ANKZF1: variants seen among roughly 807,000 people sequenced by gnomAD.
ANKZF1 encodes the protein ankyrin repeat and zinc finger peptidyl tRNA hydrolase 1.
In ANKZF1, 84 loss-of-function variants were observed where a neutral mutation model predicts 86.0. The observed-to-expected ratio is 0.98, with a 90% CI of 0.82 to 1.17. The LOEUF (loss-of-function observed/expected upper bound fraction) is 1.17, where lower values mean the gene tolerates loss of function less well. Ranked by LOEUF, ANKZF1 falls within the 50% of genes most tolerant of loss-of-function variation. The pLI is 0.00. For synonymous variants in ANKZF1, 331 were observed against 354.2 expected (o/e 0.93, Z 0.74); for missense variants, 893 against 918.4 (o/e 0.97, Z 0.36).
At position 219,236,110 on chromosome 2, in the gene ANKZF1, A is replaced by T; in HGVS notation, c.2057+15A>T. 6.2e-7 allele frequency: 1 copy of T among 1,614,068 alleles called. No individual in the cohort carries two copies. The highest frequency in any genetic ancestry group is 1.7e-5 in the Admixed American group (1 of 60,022). On this transcript the variant is annotated intron_variant, in intron 13 of 13. Transcript: ENST00000323348. ...GTCAATACTCGGTATGGGGTGCGGG[A>T]TGAGGGAGTGGGTGGACTGTAATGT...
At chr2:219,231,843 C>T (rs1180961455) in intron 2 of ANKZF1, 85 bp from the exon 3 acceptor site, 7 of 1,129,748 alleles carry the variant, frequency 6.2e-6, no homozygotes, top group South Asian at 3.8e-5. Flanking sequence ...TCCTCCTCTG[C>T]TTTGTATATC....
intron 2 of ANKZF1, chr2:219,230,623 T>G: frequency 2.2e-6 from 1 of 460,624 alleles, no homozygotes; most frequent in Non-Finnish European, 3.7e-6. Context: ...GTTAACACCA[T>G]TCCCTTCAAA....
At chr2:219,234,599 T>A (rs558546770) in intron 9 of ANKZF1, 2 of 672,782 alleles carry the variant, frequency 3.0e-6, no homozygotes, top group East Asian at 5.5e-5. Flanking sequence ...CTTTCCTCTA[T>A]TGTGCGGCAC....
rs755239892 is a variant in ANKZF1 at position 219,234,387 on chromosome 2, A to G, written c.1204+99A>G. ...ATAACTGACCCATTTCCTTATTTAAACACACACCCACAGTGTCTATCTTAG... is the reference window on the plus strand; with the variant it reads ...ATAACTGACCCATTTCCTTATTTAAGCACACACCCACAGTGTCTATCTTAG... On this transcript the variant is annotated intron_variant, in intron 9 of 13. Transcript: ENST00000323348. The G allele has an allele frequency of 3.5e-6, 5 of 1,420,298 alleles. No homozygotes were observed. In the African/African-American group the frequency reaches 5.6e-5, roughly 16 times the overall value. 88.0% of individuals were successfully genotyped at this position (1,420,298 alleles called of 1,614,324 possible). A position where few individuals can be genotyped will look rare whatever the true frequency, so the allele number is the denominator to read the frequency against.
chr2:219,233,582 C>G (rs1005187458), intron 7 of ANKZF1, 133 bp from the exon 8 acceptor site: 34 of 1,394,766 alleles, frequency 2.4e-5, no homozygotes, highest in Non-Finnish European at 3.0e-5. Flanking sequence ...TCCCCAGGAG[C>G]CTTAGTCCTC....
rs200249107 is a variant in ANKZF1, at chr2:219,235,036, C to G, written c.1415C>G (p.Ser472Cys). 1.9e-6 allele frequency: 3 copies of G among 1,614,154 alleles called. No homozygotes were observed. The highest frequency in any genetic ancestry group is 2.5e-6 in the Non-Finnish European group (3 of 1,180,064). The change falls in exon 10 of 14, where the codon TCC (serine) becomes TGC (cysteine). Residue 472 changes from serine to cysteine, a missense_variant. Coordinates refer to ENST00000323348, the MANE Select transcript of ANKZF1 (RefSeq NM_018089.3). ...GAAGAGGAGCCTTCCACACAGTCAT[C>G]CCAGGCAGTTGCTGCCCCCTTGGGC... ...TQEEEPSTQS[S>C]QAVAAPLGPL... is the part of the protein sequence containing the mutation.
intron 13 of ANKZF1, 97 bp downstream of exon 13, chr2:219,236,192 G>A (rs1447599588): frequency 1.2e-6 from 2 of 1,601,766 alleles, no homozygotes; most frequent in African/African-American, 2.7e-5. Context: ...CAGAAGGGTG[G>A]TTGAGGGAAT....
In ANKZF1 at chr2:219,233,073, A is replaced by C; in HGVS notation, c.559-6A>C. 1 of 1,613,040 alleles carries C rather than the reference A, an allele frequency of 6.2e-7. No homozygotes were observed. Among genetic ancestry groups the C allele is most frequent in the Non-Finnish European group, 8.5e-7 (1 of 1,179,512 alleles). On this transcript the variant is annotated splice_polypyrimidine_tract_variant and splice_region_variant and intron_variant, in intron 5 of 13. Coordinates refer to ENST00000323348, the MANE Select transcript of ANKZF1 (RefSeq NM_018089.3). ...GATATGTTTCTGATGCTTCTCTGTC[A>C]TCAAGGATCCCCCAGAAGAGGCAGA...
Position 219,235,751 on chromosome 2 carries a change from C to T in ANKZF1, c.1847C>T (p.Thr616Ile). 1 of 1,614,146 alleles carries T rather than the reference C, an allele frequency of 6.2e-7. No individual in the cohort carries two copies. Among genetic ancestry groups the T allele is most frequent in the African/African-American group, 1.3e-5 (1 of 75,056 alleles). ...CCAGAAATGGAGGCACGGCAGGCTA[C>T]ACGGAAAAGGGAGCAGAAGGCAGCC... ...LTPEMEARQA[T>I]RKREQKAARR... The change falls in exon 12 of 14, where the codon ACA (threonine) becomes ATA (isoleucine). Residue 616 changes from threonine (T) to isoleucine (I), a missense_variant. By Grantham distance (89) the Thr-to-Ile change is moderately conservative (BLOSUM62 -1). Transcript: ENST00000323348.
chr2:219,233,279 T>C lies in ANKZF1; in HGVS notation c.672-7T>C. On this transcript the variant is annotated splice_polypyrimidine_tract_variant and splice_region_variant and intron_variant, in intron 6 of 13. Coordinates refer to ENST00000323348, the MANE Select transcript of ANKZF1 (RefSeq NM_018089.3). ...GGTCTCCAGTACTGAGTCTGTGCTG[T>C]CTACAGAAGAGAAGTGGTGACACAC... 2 of 1,614,212 alleles carry C rather than the reference T, an allele frequency of 1.2e-6. No individual in the cohort carries two copies. The highest frequency in any genetic ancestry group is 1.7e-6 in the Non-Finnish European group (2 of 1,180,040).
Position 219,233,860 on chromosome 2 carries a change from G to T in ANKZF1, c.965G>T (p.Trp322Leu). The T allele has an allele frequency of 1.9e-6, 3 of 1,612,928 alleles. No individual in the cohort carries two copies. The South Asian group carries it at 3.3e-5, about 18-fold the overall frequency. Residue 322 changes from tryptophan (W) to leucine (L), a missense_variant, in exon 8 of 14, where the codon TGG becomes TTG. Coordinates refer to ENST00000323348, the MANE Select transcript of ANKZF1 (RefSeq NM_018089.3). The part of the protein sequence containing the change: ...APLQRGDPRL[W>L]DIPLATRRPT... ...CTGCAAAGGGGGGATCCCCGACTTT[G>T]GGATATCCCCCTCGCCACCCGCAGA... is the stretch of plus-strand genomic sequence containing the variant.
chr2:219,233,456 G>C (rs1951106456), intron 7 of ANKZF1, 23 bp downstream of exon 7: 1 of 1,582,356 alleles, frequency 6.3e-7, no homozygotes, highest in African/African-American at 1.3e-5. Flanking sequence ...TTTTAGATCT[G>C]GTGGTACTGA....
Position 219,236,384 on chromosome 2 carries a change from CT to C in ANKZF1, c.2123del (p.Phe708SerfsTer41). 1 of 1,614,128 alleles carries C rather than the reference CT, an allele frequency of 6.2e-7. No homozygotes were observed. The highest frequency in any genetic ancestry group is 8.5e-7 in the Non-Finnish European group (1 of 1,179,986). ...GLTPFHYLDF[S>X]FCSTRCLQDH... ...ACTCCCTTTCACTACCTCGACTTCT[CT>C]TTCTGCTCCACACGTTGCCTCCAGG... On this transcript the variant is annotated frameshift_variant, in exon 14 of 14. Transcript: ENST00000323348. LOFTEE classifies it high-confidence loss of function.
rs372733260 is a variant in ANKZF1, at chr2:219,230,783, G to A, written c.148+378G>A. ...TTTGAGAGTCTCGCTCTGTCGCCCA[G>A]GCTAAAGTGCAGTGGCACGATCTCC... is the stretch of plus-strand genomic sequence containing the variant. On this transcript the variant is annotated intron_variant, in intron 2 of 13. Transcript: ENST00000323348. 26 of 158,236 alleles carry A rather than the reference G, an allele frequency of 1.6e-4. No individual in the cohort carries two copies. In the East Asian group the frequency reaches 2.3e-3, roughly 14 times the overall value. The allele number at this position is 158,236 out of a possible 1,614,324, so 9.8% of individuals were successfully genotyped here.
intron 2 of ANKZF1, chr2:219,231,625 A>C (rs553881593): frequency 3.3e-6 from 1 of 301,536 alleles, no homozygotes; most frequent in Non-Finnish European, 6.3e-6. Context: ...TGATCTCCTG[A>C]CTTCATGATC....
In ANKZF1 at chr2:219,232,700, G is replaced by T; in HGVS notation, c.558+17G>T. The T allele has an allele frequency of 6.2e-7, 1 of 1,608,436 alleles. No homozygotes were observed. Among genetic ancestry groups the T allele is most frequent in the Non-Finnish European group, 8.5e-7 (1 of 1,177,240 alleles). On this transcript the variant is annotated intron_variant, in intron 5 of 13. Coordinates refer to ENST00000323348, the MANE Select transcript of ANKZF1 (RefSeq NM_018089.3). ...CCTCATCAGGCAAGTGACAGTACAG[G>T]TTGCATGGCTAACCCCAGCCTTTTG...
rs761275946 is a variant in ANKZF1, at chr2:219,233,086, C to T, written c.566C>T (p.Pro189Leu). The change falls in exon 6 of 14, where the codon CCA becomes CTA. Residue 189 changes from proline to leucine, a missense_variant. Pro to Leu is a moderately conservative substitution (Grantham distance 98). Transcript: ENST00000323348. ...RCVLGPHQDP[P>L]EEAELLLQNL... ...TGCTTCTCTGTCATCAAGGATCCCC[C>T]AGAAGAGGCAGAACTGCTGCTACAG... The T allele has an allele frequency of 3.5e-5, 57 of 1,613,604 alleles. No individual in the cohort carries two copies. The highest frequency in any genetic ancestry group is 2.2e-5 in the East Asian group (1 of 44,900).
intron 2 of ANKZF1, chr2:219,231,488 C>A: frequency 6.0e-6 from 1 of 166,264 alleles, no homozygotes; most frequent in Non-Finnish European, 1.3e-5. Flanking sequence ...TCCGCCTCCC[C>A]GGTTCATGCC....
At chr2:219,230,461 G>T in intron 2 of ANKZF1, 56 bp downstream of exon 2, 2 of 1,530,468 alleles carry the variant, frequency 1.3e-6, no homozygotes, top group African/African-American at 2.8e-5. Flanking sequence ...CGTATTGCCC[G>T]TTCAGGGAAC....
Sources: allele counts gnomAD v4.1 joint callset, GRCh38; gene constraint gnomAD v4.1.1; transcripts MANE v1.5; gene names NCBI Gene and HGNC (gene_info 2026-07-23, HGNC 2026-07-21).